Variants in ADGRB3 observed in about 807,000 individuals in gnomAD.
ADGRB3 encodes adhesion G protein-coupled receptor B3.
Under a neutral mutation model 193.4 loss-of-function variants are expected in ADGRB3, and 37 were observed. The observed-to-expected ratio is 0.19, with a 90% CI of 0.15 to 0.25. ADGRB3 has a LOEUF of 0.25. Ranked by LOEUF, ADGRB3 falls within the 10% of genes least tolerant of loss-of-function variation. The probability of loss-of-function intolerance (pLI) is 1.00; values close to 1 mark genes in which losing one functional copy is unlikely to be tolerated. For synonymous variants in ADGRB3, 690 were observed against 644.2 expected (o/e 1.07, Z -1.08); for missense variants, 1,637 against 1,852.9 (o/e 0.88, Z 2.14).
Position 68,713,924 on chromosome 6 carries a change from A to G in ADGRB3, c.757+74492A>G, listed in dbSNP as rs537809390. ...TTATTATCAAATTTAAATTATAACA[A>G]TCTTTGGATTAAAATAATTGTTTAT... On this transcript the variant is annotated intron_variant, in intron 3 of 31. Coordinates refer to ENST00000370598, the MANE Select transcript of ADGRB3 (RefSeq NM_001704.3). 1.6e-3 allele frequency among the ~76,000 whole-genome samples: 241 copies of G among 151,840 alleles called. 3 individuals are homozygous for G. The highest frequency in any genetic ancestry group is 5.4e-3 in the African/African-American group (223 of 41,518).
chr6:69,301,920 A>G (rs756376097), intron 20 of ADGRB3, among the ~76,000 whole-genome samples: 2 of 152,022 alleles, frequency 1.3e-5, no homozygotes, highest in Non-Finnish European at 2.9e-5. Context: ...TTGTATGACA[A>G]CTAAAAGCAA....
chr6:69,339,588 T>C, intron 26 of ADGRB3, 84 bp downstream of exon 26: 1 of 1,447,300 alleles, frequency 6.9e-7, no homozygotes, highest in Non-Finnish European at 9.4e-7. Flanking sequence ...AATATCTTGA[T>C]GTTCAGATTA....
chr6:68,888,060 A>G (rs1169913680), intron 3 of ADGRB3, among the ~76,000 whole-genome samples: 1 of 152,196 alleles, frequency 6.6e-6, no homozygotes, highest in Non-Finnish European at 1.5e-5. Context: ...CTTAAAGAGT[A>G]TAAAAACCTA....
chr6:68,786,335 G>T (rs1766968948), intron 3 of ADGRB3, among the ~76,000 whole-genome samples: 1 of 152,096 alleles, frequency 6.6e-6, no homozygotes, highest in Non-Finnish European at 1.5e-5. Flanking sequence ...TTTGTATAAG[G>T]TGTAAAGAAG....
rs115774059 is a variant in ADGRB3 at position 68,886,477 on chromosome 6, T to A, written c.758-44082T>A. Among the ~76,000 whole-genome samples the A allele has an allele frequency of 8.8e-4, 134 of 152,202 alleles. 3 individuals carry two copies. Among genetic ancestry groups the A allele is most frequent in the African/African-American group, 2.7e-3 (114 of 41,564 alleles). ...AAATATGGACTGTCTCACATATACTTCTTCTTTTTATTCACTAACAGCTTT... is the reference window on the plus strand; with the variant it reads ...AAATATGGACTGTCTCACATATACTACTTCTTTTTATTCACTAACAGCTTT... On this transcript the variant is annotated intron_variant, in intron 3 of 31. Coordinates refer to ENST00000370598, the MANE Select transcript of ADGRB3 (RefSeq NM_001704.3).
intron 16 of ADGRB3, among the ~76,000 whole-genome samples, chr6:69,073,057 C>T (rs1447777399): frequency 6.6e-6 from 1 of 152,164 alleles, no homozygotes; most frequent in Non-Finnish European, 1.5e-5. Flanking sequence ...ACTCCATTCC[C>T]CCATTTGTCC....
At chr6:68,802,266 A>G (rs537236672) in intron 3 of ADGRB3, among the ~76,000 whole-genome samples, 2 of 151,818 alleles carry the variant, frequency 1.3e-5, no homozygotes, top group African/African-American at 4.8e-5. Context: ...AATTCTTTCC[A>G]TTGAGTAGGT....
intron 17 of ADGRB3, chr6:69,232,455 G>A (rs1766164304): frequency 6.6e-7 from 1 of 1,512,194 alleles, no homozygotes; most frequent in Admixed American, 2.1e-5. Context: ...ATTGAACCAG[G>A]CTCTCTTCCC....
chr6:69,196,457 T>G (rs1433116618), intron 17 of ADGRB3, among the ~76,000 whole-genome samples: 1 of 152,128 alleles, frequency 6.6e-6, no homozygotes, highest in Admixed American at 6.6e-5. Flanking sequence ...AAGGTTTTGT[T>G]TCATAAGAGT....
chr6:68,988,849 C>G (rs1769152932), intron 10 of ADGRB3, among the ~76,000 whole-genome samples: 1 of 152,088 alleles, frequency 6.6e-6, no homozygotes, highest in Admixed American at 6.6e-5. Flanking sequence ...CTCAGGCCTG[C>G]AATGTGTCTA....
intron 11 of ADGRB3, among the ~76,000 whole-genome samples, chr6:69,007,683 TCTCTCTCTCTCACA>T (rs1468998526): frequency 1.8e-4 from 14 of 76,602 alleles, no homozygotes; most frequent in African/African-American, 6.6e-4. Flanking sequence ...TCTCTCTCTC[TCTCTCTCTCTCACA>T]CACACACACA....
chr6:68,856,957 C>G (rs2224014), intron 3 of ADGRB3, among the ~76,000 whole-genome samples: 71,897 of 151,504 alleles, frequency 0.47, 17,669 homozygotes, highest in East Asian at 0.59. Flanking sequence ...TCCAGCCATG[C>G]CTAAAAGAAG....
At chr6:68,670,274 G>T (rs1768912362) in intron 3 of ADGRB3, among the ~76,000 whole-genome samples, 1 of 151,816 alleles carries the variant, frequency 6.6e-6, no homozygotes, top group African/African-American at 2.4e-5. Context: ...TTTTCAACTG[G>T]ATGTGAGCCC....
At chr6:69,154,120 A>G (rs1774763593) in intron 17 of ADGRB3, among the ~76,000 whole-genome samples, 1 of 151,244 alleles carries the variant, frequency 6.6e-6, no homozygotes, top group Non-Finnish European at 1.5e-5. Flanking sequence ...TCGTGACTTT[A>G]TAGTCAATTT....
At chr6:68,961,598 C>A (rs529676365) in intron 8 of ADGRB3, among the ~76,000 whole-genome samples, 36 of 152,200 alleles carry the variant, frequency 2.4e-4, no homozygotes, top group Non-Finnish European at 4.3e-4. Context: ...ACAAATTTAA[C>A]AAGTTAGATT....
At chr6:69,315,904 T>A (rs1018784795) in intron 20 of ADGRB3, among the ~76,000 whole-genome samples, 2 of 151,418 alleles carry the variant, frequency 1.3e-5, no homozygotes, top group African/African-American at 4.8e-5. Context: ...ATAAATACTG[T>A]AATTACAGTG....
At chr6:68,853,933 G>A (rs16900272) in intron 3 of ADGRB3, among the ~76,000 whole-genome samples, 5,048 of 152,170 alleles carry the variant, frequency 0.033, 271 homozygotes, top group African/African-American at 0.11. Flanking sequence ...CCATGCATGT[G>A]CGAAGGGAAT....
At chr6:69,311,113 A>T (rs1285587946) in intron 20 of ADGRB3, among the ~76,000 whole-genome samples, 1 of 151,772 alleles carries the variant, frequency 6.6e-6, no homozygotes, top group African/African-American at 2.4e-5. Flanking sequence ...GGGATTTGCT[A>T]CAATGTGATT....
intron 3 of ADGRB3, among the ~76,000 whole-genome samples, chr6:68,789,350 G>T (rs1767050436): frequency 6.6e-6 from 1 of 152,088 alleles, no homozygotes; most frequent in Non-Finnish European, 1.5e-5. Context: ...GGCAGGCCTG[G>T]TGGTGACAAA....
Sources: allele counts gnomAD v4.1 joint callset (sites outside exome capture counted in the v4.1 genomes callset), GRCh38; gene constraint gnomAD v4.1.1; transcripts MANE v1.5; gene names NCBI Gene and HGNC (gene_info 2026-07-23, HGNC 2026-07-21).